DLG2: variants seen among roughly 807,000 people sequenced by gnomAD.
DLG2 encodes disks large homolog 2.
In DLG2, 45 loss-of-function variants were observed where a neutral mutation model predicts 132.5. The ratio of observed to expected loss-of-function variants is 0.34; its 90% CI spans 0.27 to 0.44. The LOEUF (loss-of-function observed/expected upper bound fraction) is 0.44, where lower values mean the gene tolerates loss of function less well. DLG2 is among the 20% of genes least tolerant of loss of function. The pLI is 1.00. For synonymous variants in DLG2, 424 were observed against 419.6 expected (o/e 1.01, Z -0.13); for missense variants, 1,045 against 1,196.9 (o/e 0.87, Z 1.87).
At chr11:83,819,348 T>C (rs1445630122) in intron 17 of DLG2, among the ~76,000 whole-genome samples, 2 of 151,146 alleles carry the variant, frequency 1.3e-5, no homozygotes, top group Admixed American at 6.6e-5. Flanking sequence ...TACATGCCTG[T>C]AACCCCAGCT....
chr11:84,800,257 C>T (rs2075204892), intron 6 of DLG2, among the ~76,000 whole-genome samples: 1 of 152,094 alleles, frequency 6.6e-6, no homozygotes, highest in Non-Finnish European at 1.5e-5. Context: ...ACATATATTT[C>T]CTATAAATAT....
chr11:84,481,397 C>T (rs2099137271), intron 7 of DLG2, among the ~76,000 whole-genome samples: 1 of 152,118 alleles, frequency 6.6e-6, no homozygotes, highest in Non-Finnish European at 1.5e-5. Context: ...CTATCAGAGG[C>T]CATCTGAGGT....
intron 7 of DLG2, among the ~76,000 whole-genome samples, chr11:84,526,014 T>TA (rs1407039182): frequency 6.6e-6 from 1 of 152,144 alleles, no homozygotes; most frequent in Non-Finnish European, 1.5e-5. Context: ...TCCAAAAAAT[T>TA]AAACAGTTTT....
At chr11:84,406,713 T>C (rs1272105863) in intron 7 of DLG2, among the ~76,000 whole-genome samples, 2 of 152,222 alleles carry the variant, frequency 1.3e-5, no homozygotes, top group African/African-American at 4.8e-5. Flanking sequence ...GCAGAATTCT[T>C]GCTCCTCCAT....
chr11:85,122,940 G>GTATATATATTATATATATATTATATATA (rs1410544502), intron 5 of DLG2, among the ~76,000 whole-genome samples: 17 of 47,678 alleles, frequency 3.6e-4, no homozygotes, highest in South Asian at 7.3e-4. Flanking sequence ...ATGTGTGTCT[G>GTATATATATTATATATATATTATATATA]TATATATATT....
At chr11:84,508,280 T>G (rs920113578) in intron 7 of DLG2, among the ~76,000 whole-genome samples, 1 of 152,218 alleles carries the variant, frequency 6.6e-6, no homozygotes, top group Admixed American at 6.5e-5. Flanking sequence ...TAAGCATAGT[T>G]TGGCCTCAAG....
chr11:85,500,177 G>T (rs1424924542), intron 3 of DLG2, among the ~76,000 whole-genome samples: 1 of 152,112 alleles, frequency 6.6e-6, no homozygotes, highest in Non-Finnish European at 1.5e-5. Context: ...CAGATGACAT[G>T]ATTGTATATC....
At chr11:85,195,242 A>G (rs1412873943) in intron 4 of DLG2, among the ~76,000 whole-genome samples, 2 of 152,168 alleles carry the variant, frequency 1.3e-5, no homozygotes, top group South Asian at 2.1e-4. Flanking sequence ...GGAAGAGGAC[A>G]TTTTAGTGCA....
chr11:84,207,345 GAAAGAA>G (rs2096684300), intron 8 of DLG2, among the ~76,000 whole-genome samples: 1 of 150,784 alleles, frequency 6.6e-6, no homozygotes, highest in Non-Finnish European at 1.5e-5. Context: ...ATACAATCTT[GAAAGAA>G]AAAAAAAATC....
At chr11:84,812,429 A>G (rs2076661927) in intron 6 of DLG2, among the ~76,000 whole-genome samples, 1 of 152,128 alleles carries the variant, frequency 6.6e-6, no homozygotes, top group Non-Finnish European at 1.5e-5. Flanking sequence ...TGTGTGCACA[A>G]TAAAATTTTT....
At chr11:83,902,153 G>GTATTC (rs1207864126) in intron 15 of DLG2, among the ~76,000 whole-genome samples, 4 of 152,038 alleles carry the variant, frequency 2.6e-5, no homozygotes, top group African/African-American at 4.8e-5. Flanking sequence ...ATTCTATAAT[G>GTATTC]TATTCACTCT....
At chr11:84,579,039 T>G (rs187131202) in intron 6 of DLG2, among the ~76,000 whole-genome samples, 5 of 152,326 alleles carry the variant, frequency 3.3e-5, no homozygotes, top group Admixed American at 1.3e-4. Flanking sequence ...CACTGCCATT[T>G]AAGAAGTGCC....
At chr11:85,269,068 C>T in intron 4 of DLG2, among the ~76,000 whole-genome samples, 1 of 152,226 alleles carries the variant, frequency 6.6e-6, no homozygotes, top group East Asian at 1.9e-4. Context: ...TACTAGCTTG[C>T]TAAAATATCC....
chr11:84,450,880 CA>C lies in DLG2; in HGVS notation c.519+83689del, dbSNP rs529355037. Among the ~76,000 whole-genome samples, 1,171 of 137,980 alleles carry C rather than the reference CA, an allele frequency of 8.5e-3. 13 individuals carry two copies. The highest frequency in any genetic ancestry group is 0.025 in the African/African-American group (957 of 38,290). The allele number at this position is 137,980 out of a possible 152,430, so 90.5% of individuals were successfully genotyped here. On this transcript the variant is annotated intron_variant, in intron 7 of 27. Transcript: ENST00000376104. ...CATGCCTGGTGCATAATAAGTGTTC[CA>C]AAAAAAAAAAAGAGTTATTTAATTC...
Position 84,546,617 on chromosome 11 carries a change from T to C in DLG2, c.358-11886A>G, listed in dbSNP as rs548667612. On this transcript the variant is annotated intron_variant, in intron 6 of 27. Coordinates refer to ENST00000376104, the MANE Select transcript of DLG2 (RefSeq NM_001142699.3). ...TTCCACGACTCTCTCATACCTCATGTAGCATGGCATTTAGGGCTGCATCCA... is the reference window on the plus strand; with the variant it reads ...TTCCACGACTCTCTCATACCTCATGCAGCATGGCATTTAGGGCTGCATCCA... 478 of 513,352 alleles carry C rather than the reference T, an allele frequency of 9.3e-4. 1 individual carries two copies. The highest frequency in any genetic ancestry group is 1.6e-3 in the Non-Finnish European group (418 of 264,694). The allele number at this position is 513,352 out of a possible 1,614,324, so 31.8% of individuals were successfully genotyped here.
intron 3 of DLG2, among the ~76,000 whole-genome samples, chr11:85,477,921 G>C (rs2093189674): frequency 6.6e-6 from 1 of 152,024 alleles, no homozygotes; most frequent in South Asian, 2.1e-4. Context: ...AAGGTTCTTA[G>C]CACACATTAA....
At chr11:84,008,264 C>T (rs1375106364) in intron 11 of DLG2, among the ~76,000 whole-genome samples, 1 of 151,878 alleles carries the variant, frequency 6.6e-6, no homozygotes, top group Non-Finnish European at 1.5e-5. Context: ...TGAACTCCCT[C>T]CAGTTACTCT....
chr11:84,930,253 T>C (rs2047933667), intron 6 of DLG2, among the ~76,000 whole-genome samples: 2 of 152,200 alleles, frequency 1.3e-5, no homozygotes, highest in African/African-American at 4.8e-5. Context: ...TTATACAGTG[T>C]CTTGTATTGT....
Position 85,561,861 on chromosome 11 carries a change from T to G in DLG2, c.40+36796A>C, listed in dbSNP as rs78711540. On this transcript the variant is annotated intron_variant, in intron 3 of 27. Coordinates refer to ENST00000376104, the MANE Select transcript of DLG2 (RefSeq NM_001142699.3). ...ACTTATAATATGCCAGTTACTATGC[T>G]AACCATTCACATTTAAAATCGCATT... Among the ~76,000 whole-genome samples, 561 of 152,024 alleles carry G rather than the reference T, an allele frequency of 3.7e-3. 20 individuals are homozygous for G. In the East Asian group the frequency reaches 0.083, roughly 22 times the overall value.
Sources: allele counts gnomAD v4.1 joint callset (sites outside exome capture counted in the v4.1 genomes callset), GRCh38; gene constraint gnomAD v4.1.1; transcripts MANE v1.5; gene names NCBI Gene and HGNC (gene_info 2026-07-23, HGNC 2026-07-21).